FCHSD2: variants seen among roughly 807,000 people sequenced by gnomAD.
FCHSD2 encodes the protein F-BAR and double SH3 domains protein 2.
A neutral mutation model predicts 108.1 loss-of-function variants in FCHSD2; 38 were observed. The observed-to-expected ratio is 0.35, with a 90% confidence interval of 0.27 to 0.46. The LOEUF (loss-of-function observed/expected upper bound fraction) is 0.46. FCHSD2 is among the 20% of genes least tolerant of loss of function. The pLI is 1.00. For synonymous variants in FCHSD2, 279 were observed against 314.7 expected, an observed-to-expected ratio of 0.89 and a Z score of 1.20; for missense variants, 751 against 897.8, an observed-to-expected ratio of 0.84 and a Z score of 2.09.
In FCHSD2 at chr11:72,978,854, CTTTTT is replaced by C. The variant is rs1190277188; in HGVS notation, c.705+5229_705+5233del. 4.5e-5 allele frequency among the ~76,000 whole-genome samples: 5 copies of C among 110,878 alleles called. No individual in the cohort carries two copies. In the East Asian group the frequency reaches 8.1e-4, roughly 18 times the overall value. The allele number at this position is 110,878 out of a possible 152,430, so 72.7% of individuals were successfully genotyped here. On this transcript the variant is annotated intron_variant, in intron 8 of 19. Coordinates refer to ENST00000409418, the MANE Select transcript of FCHSD2 (RefSeq NM_014824.3). ...ATTACCCAGTCTCAGGTAGCTCTTT[CTTTTT>C]TTTTTTTTTTTTTTTGAGATGAAGT...
intron 9 of FCHSD2, among the ~76,000 whole-genome samples, chr11:72,908,056 A>G (rs900425431): frequency 2.6e-5 from 4 of 152,046 alleles, no homozygotes; most frequent in Admixed American, 6.6e-5. Flanking sequence ...CTGGTAAACA[A>G]CCTTCTACAT....
At chr11:72,840,346 T>C (rs1377190691) in intron 19 of FCHSD2, among the ~76,000 whole-genome samples, 2 of 152,068 alleles carry the variant, frequency 1.3e-5, no homozygotes, top group South Asian at 2.1e-4. Flanking sequence ...GAAAATAAAA[T>C]TGCAAAGTAT....
chr11:72,916,817 C>A (rs530389554), intron 9 of FCHSD2, among the ~76,000 whole-genome samples: 14 of 152,080 alleles, frequency 9.2e-5, no homozygotes, highest in Non-Finnish European at 2.1e-4. Context: ...TGTTTTCTTT[C>A]GTTACTTGTG....
At chr11:73,048,364 C>T (rs1858817114) in intron 3 of FCHSD2, among the ~76,000 whole-genome samples, 1 of 152,180 alleles carries the variant, frequency 6.6e-6, no homozygotes, top group African/African-American at 2.4e-5. Context: ...TTTACAGGTA[C>T]TAGGCATTTC....
intron 2 of FCHSD2, 85 bp from the exon 3 acceptor site, chr11:73,083,825 TG>T (rs1859753760): frequency 1.2e-6 from 1 of 856,640 alleles, no homozygotes; most frequent in Non-Finnish European, 1.9e-6. Context: ...AAATACTGCC[TG>T]GTTAAGATAT....
intron 4 of FCHSD2, among the ~76,000 whole-genome samples, chr11:73,004,069 A>T (rs963774843): frequency 8.3e-6 from 1 of 120,386 alleles, no homozygotes; most frequent in African/African-American, 3.2e-5. Flanking sequence ...AGATAGTGCC[A>T]CTGCACTCCG....
chr11:73,121,904 C>T (rs894314142), intron 2 of FCHSD2, among the ~76,000 whole-genome samples: 1 of 152,150 alleles, frequency 6.6e-6, no homozygotes, highest in African/African-American at 2.4e-5. Context: ...GTTGATACCA[C>T]TGGTCTAGGA....
At chr11:72,972,753 C>G (rs759907160) in intron 8 of FCHSD2, among the ~76,000 whole-genome samples, 17 of 149,466 alleles carry the variant, frequency 1.1e-4, no homozygotes, top group Non-Finnish European at 1.8e-4. Flanking sequence ...CCCTTGTGGG[C>G]GGCACCAGAG....
intron 12 of FCHSD2, among the ~76,000 whole-genome samples, chr11:72,886,777 T>G (rs1478962769): frequency 6.6e-6 from 1 of 152,164 alleles, no homozygotes; most frequent in Non-Finnish European, 1.5e-5. Flanking sequence ...GTCTTCCTCC[T>G]TTGCTAATAC....
chr11:73,056,867 G>T (rs1181357024), intron 3 of FCHSD2, among the ~76,000 whole-genome samples: 2 of 152,102 alleles, frequency 1.3e-5, no homozygotes, highest in Non-Finnish European at 2.9e-5. Flanking sequence ...TGGATCACAG[G>T]GTCAGGAGAT....
chr11:72,958,343 C>T (rs189060222), intron 8 of FCHSD2, among the ~76,000 whole-genome samples: 1 of 152,224 alleles, frequency 6.6e-6, no homozygotes, highest in East Asian at 1.9e-4. Context: ...TGTGGTGAAA[C>T]TCTGTCTCTA....
At chr11:73,016,610 A>T (rs566478037) in intron 3 of FCHSD2, among the ~76,000 whole-genome samples, 1 of 152,328 alleles carries the variant, frequency 6.6e-6, no homozygotes, top group African/African-American at 2.4e-5. Context: ...CAAACTCTCA[A>T]ATACCAGGAA....
intron 8 of FCHSD2, among the ~76,000 whole-genome samples, chr11:72,943,107 T>C (rs563348156): frequency 1.3e-5 from 2 of 152,286 alleles, no homozygotes; most frequent in Admixed American, 6.5e-5. Context: ...TTCTCCTTCC[T>C]TGGCCTCCTG....
chr11:72,894,724 G>A (rs921711052), intron 10 of FCHSD2, among the ~76,000 whole-genome samples: 2 of 152,048 alleles, frequency 1.3e-5, no homozygotes, highest in Admixed American at 1.3e-4. Flanking sequence ...CTCTGAAAAA[G>A]AATAAGTATT....
At chr11:73,083,669 A>G (rs1375828433) in intron 3 of FCHSD2, 26 bp downstream of exon 3, 2 of 1,485,676 alleles carry the variant, frequency 1.3e-6, no homozygotes, top group Non-Finnish European at 1.8e-6. Flanking sequence ...GTATACCTAG[A>G]ATGGGACCTC....
chr11:73,141,643 G>C (rs1445761696), intron 1 of FCHSD2, among the ~76,000 whole-genome samples: 1 of 152,194 alleles, frequency 6.6e-6, no homozygotes, highest in African/African-American at 2.4e-5. Context: ...GGGGTCTCCT[G>C]CGTTAGAGGA....
chr11:73,120,970 T>G (rs1293265169), intron 2 of FCHSD2, among the ~76,000 whole-genome samples: 1 of 152,086 alleles, frequency 6.6e-6, no homozygotes, highest in Non-Finnish European at 1.5e-5. Context: ...AAGTCAATAT[T>G]TTTGTTATTG....
intron 3 of FCHSD2, 150 bp downstream of exon 3, chr11:73,083,545 C>G: frequency 1.7e-6 from 1 of 594,238 alleles, no homozygotes; most frequent in Non-Finnish European, 2.9e-6. Context: ...GAGACTCCAT[C>G]TCAGAAAAAA....
At chr11:72,912,011 A>G (rs546528777) in intron 9 of FCHSD2, among the ~76,000 whole-genome samples, 1 of 152,346 alleles carries the variant, frequency 6.6e-6, no homozygotes, top group Non-Finnish European at 1.5e-5. Flanking sequence ...GTATCCTGCA[A>G]CTTTACTAAA....
Sources: gnomAD v4.1 joint callset for allele counts (sites outside exome capture counted in the v4.1 genomes callset) on GRCh38, gnomAD v4.1.1 for gene constraint, MANE v1.5 for transcripts, NCBI Gene and HGNC (gene_info 2026-07-23, HGNC 2026-07-21) for gene names.